SPATA16: variants seen among roughly 807,000 people sequenced by gnomAD.
SPATA16 encodes spermatogenesis associated 16.
SPATA16 carries 36 observed loss-of-function variants against 63.3 expected under a neutral mutation model. That is an observed-to-expected ratio of 0.57 (90% CI 0.44 to 0.75). The LOEUF is 0.75. Ranked by LOEUF, SPATA16 falls within the 30% of genes least tolerant of loss-of-function variation. SPATA16 has a pLI of 0.00. For missense variants in SPATA16, 646 were observed against 679.3 expected, an observed-to-expected ratio of 0.95 and a Z score of 0.54; for synonymous variants, 203 against 216.7, an observed-to-expected ratio of 0.94 and a Z score of 0.56.
intron 5 of SPATA16, among the ~76,000 whole-genome samples, chr3:172,968,490 T>C (rs1436724093): frequency 6.6e-6 from 1 of 152,084 alleles, no homozygotes; most frequent in African/African-American, 2.4e-5. Context: ...AGGAATGGGG[T>C]AGTAAAAAGC....
At chr3:172,890,177 G>A (rs1443934590) in intron 10 of SPATA16, among the ~76,000 whole-genome samples, 1 of 152,118 alleles carries the variant, frequency 6.6e-6, no homozygotes, top group Non-Finnish European at 1.5e-5. Context: ...GTCTTGGCAA[G>A]AATCATGTCT....
chr3:173,121,083 G>A (rs897971884), intron 1 of SPATA16, among the ~76,000 whole-genome samples: 6 of 151,986 alleles, frequency 3.9e-5, no homozygotes, highest in Non-Finnish European at 8.8e-5. Context: ...CCCAAATTCA[G>A]AATAAATACC....
chr3:172,940,852 A>G (rs1733129145), intron 6 of SPATA16, among the ~76,000 whole-genome samples: 1 of 152,010 alleles, frequency 6.6e-6, no homozygotes, highest in Admixed American at 6.6e-5. Flanking sequence ...GCGTGGTGGC[A>G]CGTGCCTGTA....
intron 2 of SPATA16, among the ~76,000 whole-genome samples, chr3:173,068,934 C>A (rs1200164953): frequency 6.7e-6 from 1 of 150,326 alleles, no homozygotes; most frequent in Non-Finnish European, 1.5e-5. Context: ...CACGGTGAAA[C>A]CCCGTCTCTA....
At chr3:173,022,896 G>A (rs893909573) in intron 3 of SPATA16, among the ~76,000 whole-genome samples, 7 of 151,990 alleles carry the variant, frequency 4.6e-5, no homozygotes, top group South Asian at 2.1e-4. Context: ...AATGATAGAC[G>A]TCATTGAATT....
At chr3:173,028,737 G>T (rs1735528479) in intron 3 of SPATA16, among the ~76,000 whole-genome samples, 1 of 151,938 alleles carries the variant, frequency 6.6e-6, no homozygotes. Context: ...AAAATTTTGT[G>T]CTAAATCAAT....
chr3:173,030,322 T>G (rs142921112), intron 3 of SPATA16, among the ~76,000 whole-genome samples: 1 of 152,024 alleles, frequency 6.6e-6, no homozygotes, highest in Non-Finnish European at 1.5e-5. Flanking sequence ...TATTTGCAAA[T>G]CTTATATCTG....
intron 6 of SPATA16, among the ~76,000 whole-genome samples, chr3:172,937,557 A>G (rs1168687038): frequency 6.6e-6 from 1 of 152,172 alleles, no homozygotes; most frequent in African/African-American, 2.4e-5. Context: ...ACTAGCACCC[A>G]AAGTCTCTCA....
intron 6 of SPATA16, among the ~76,000 whole-genome samples, chr3:172,952,768 C>T (rs1256680350): frequency 2.0e-5 from 3 of 151,956 alleles, no homozygotes; most frequent in South Asian, 2.1e-4. Context: ...GGTGAAACCC[C>T]GTCTCTACTA....
chr3:172,989,527 A>G (rs888926940), intron 4 of SPATA16, among the ~76,000 whole-genome samples: 1 of 152,202 alleles, frequency 6.6e-6, no homozygotes, highest in Non-Finnish European at 1.5e-5. Context: ...TTGAATCTCA[A>G]TCCTGTTATT....
intron 5 of SPATA16, among the ~76,000 whole-genome samples, chr3:172,972,875 G>A (rs558390186): frequency 2.6e-5 from 4 of 152,084 alleles, no homozygotes; most frequent in Admixed American, 6.6e-5. Context: ...ACAAATTGCC[G>A]ACATAGATAG....
At chr3:172,993,623 G>A (rs1171948489) in intron 4 of SPATA16, among the ~76,000 whole-genome samples, 3 of 152,070 alleles carry the variant, frequency 2.0e-5, no homozygotes, top group Non-Finnish European at 4.4e-5. Context: ...TCTTCCTGTG[G>A]CATAATTACA....
At chr3:173,070,293 G>T (rs1289507320) in intron 2 of SPATA16, among the ~76,000 whole-genome samples, 1 of 151,720 alleles carries the variant, frequency 6.6e-6, no homozygotes, top group Non-Finnish European at 1.5e-5. Context: ...CACTCAGTAG[G>T]CTGAGGCACG....
At chr3:172,980,643 C>T (rs1734281793) in intron 4 of SPATA16, among the ~76,000 whole-genome samples, 2 of 152,262 alleles carry the variant, frequency 1.3e-5, no homozygotes, top group South Asian at 2.1e-4. Flanking sequence ...CATCCAATCG[C>T]GCCTAATCAT....
At position 173,062,517 on chromosome 3, in the gene SPATA16, G is replaced by A. The variant is rs1736403388; in HGVS notation, c.613-13423C>T. Among the ~76,000 whole-genome samples the A allele has an allele frequency of 3.3e-5, 5 of 151,950 alleles. No individual in the cohort carries two copies. The South Asian group carries it at 6.2e-4, about 19-fold the overall frequency. On this transcript the variant is annotated intron_variant, in intron 2 of 10. Coordinates refer to ENST00000351008, the MANE Select transcript of SPATA16 (RefSeq NM_031955.6). Reference sequence around the variant, plus strand: ...ATTGTATCCCATTAAATATATACACGGTATCTTATTAAATCTTATTTAATA... The same window carrying A: ...ATTGTATCCCATTAAATATATACACAGTATCTTATTAAATCTTATTTAATA...
At chr3:172,949,160 C>T (rs1733366620) in intron 6 of SPATA16, among the ~76,000 whole-genome samples, 1 of 151,940 alleles carries the variant, frequency 6.6e-6, no homozygotes, top group African/African-American at 2.4e-5. Context: ...ATTAGTTAAG[C>T]TGTATTTTAA....
At chr3:172,938,348 C>T (rs1018653443) in intron 6 of SPATA16, among the ~76,000 whole-genome samples, 4 of 152,076 alleles carry the variant, frequency 2.6e-5, no homozygotes, top group Non-Finnish European at 4.4e-5. Context: ...TAGGAGCAAA[C>T]AATAGGGAAG....
chr3:173,007,360 C>A (rs774714545), intron 4 of SPATA16, among the ~76,000 whole-genome samples: 3 of 152,026 alleles, frequency 2.0e-5, no homozygotes, highest in Non-Finnish European at 4.4e-5. Flanking sequence ...ATGATAAGAG[C>A]GGCAGGCAGC....
At position 173,019,575 on chromosome 3, in the gene SPATA16, C is replaced by G; in HGVS notation, c.759G>C (p.Arg253Ser). ...AATAGGCTGGGTTTAAAACAATGCT[C>G]CTGTAAAAAGGTAAAAGAAATGCAA... The part of the protein sequence containing the change: ...KPDLALNHAH[R>S]SIVLNPAYFR... Residue 253 changes from arginine (R) to serine (S), a missense_variant and splice_region_variant, in exon 4 of 11, where the codon AGG becomes AGC. Physicochemically the swap from Arg to Ser is moderately radical, Grantham distance 110. Coordinates refer to ENST00000351008, the MANE Select transcript of SPATA16 (RefSeq NM_031955.6). 1 of 1,613,658 alleles carries G rather than the reference C, an allele frequency of 6.2e-7. No individual in the cohort carries two copies. Among genetic ancestry groups the G allele is most frequent in the South Asian group, 1.1e-5 (1 of 91,064 alleles).
Sources: allele counts gnomAD v4.1 joint callset (sites outside exome capture counted in the v4.1 genomes callset), GRCh38; gene constraint gnomAD v4.1.1; transcripts MANE v1.5; gene names NCBI Gene and HGNC (gene_info 2026-07-23, HGNC 2026-07-21).